XKR9: variants seen among roughly 807,000 people sequenced by gnomAD.
XKR9 encodes the protein XK related 9.
Under a neutral mutation model 32.0 loss-of-function variants are expected in XKR9, and 32 were observed. The observed-to-expected ratio is 1.00, with a 90% confidence interval of 0.76 to 1.34. The LOEUF (loss-of-function observed/expected upper bound fraction) is 1.34, where lower values mean the gene tolerates loss of function less well. Among genes scored for constraint, XKR9 ranks in the 40% most tolerant of loss-of-function variants. The probability of loss-of-function intolerance (pLI) is 0.00; values close to 1 mark genes in which losing one functional copy is unlikely to be tolerated. For missense variants in XKR9, 546 were observed against 429.7 expected (o/e 1.27, Z -2.39); for synonymous variants, 168 against 143.4 (o/e 1.17, Z -1.22).
chr8:70,797,108 A>T, the XKR9 span, among the ~76,000 whole-genome samples: 1 of 152,240 alleles, frequency 6.6e-6, no homozygotes, highest in Non-Finnish European at 1.5e-5. Context: ...GAAAGTTCAC[A>T]CATGAATCCC....
intron 2 of XKR9, among the ~76,000 whole-genome samples, chr8:70,754,882 G>A (rs1183063583): frequency 6.6e-6 from 1 of 152,200 alleles, no homozygotes; most frequent in East Asian, 1.9e-4. Flanking sequence ...AACACCAAAA[G>A]CAATGGCAAC....
At chr8:70,989,159 T>G in the XKR9 span, among the ~76,000 whole-genome samples, 28 of 152,320 alleles carry the variant, frequency 1.8e-4, no homozygotes, top group African/African-American at 6.7e-4. Flanking sequence ...TTGGACATTA[T>G]CTACTAGGCA....
the XKR9 span, among the ~76,000 whole-genome samples, chr8:70,858,519 A>T: frequency 2.0e-5 from 3 of 152,102 alleles, no homozygotes; most frequent in African/African-American, 4.8e-5. Context: ...CTTAAAATTG[A>T]TATGTAACCA....
At chr8:70,861,109 G>A in the XKR9 span, among the ~76,000 whole-genome samples, 1 of 152,004 alleles carries the variant, frequency 6.6e-6, no homozygotes. Context: ...TGTTAGTAGT[G>A]TCTGTAAAAC....
chr8:70,827,048 G>A, the XKR9 span, among the ~76,000 whole-genome samples: 2 of 152,050 alleles, frequency 1.3e-5, no homozygotes, highest in African/African-American at 2.4e-5. Flanking sequence ...AACTGTGATT[G>A]AGTAAATCTA....
the XKR9 span, among the ~76,000 whole-genome samples, chr8:71,050,211 T>G: frequency 6.7e-6 from 1 of 148,180 alleles, no homozygotes; most frequent in Non-Finnish European, 1.5e-5. Context: ...TGATTTTATA[T>G]TTTGAAGTAC....
chr8:70,800,894 CAT>C, the XKR9 span, among the ~76,000 whole-genome samples: 1 of 150,944 alleles, frequency 6.6e-6, no homozygotes, highest in African/African-American at 2.4e-5. Flanking sequence ...CTTGGGAGGT[CAT>C]ATGTTTCCAG....
chr8:70,855,034 A>T, the XKR9 span, among the ~76,000 whole-genome samples: 1 of 152,126 alleles, frequency 6.6e-6, no homozygotes, highest in Non-Finnish European at 1.5e-5. Flanking sequence ...TGAACTTTAA[A>T]GTAGTTTTTT....
At chr8:70,940,618 T>C in the XKR9 span, among the ~76,000 whole-genome samples, 1 of 152,160 alleles carries the variant, frequency 6.6e-6, no homozygotes. Flanking sequence ...TGTGCCTCTT[T>C]TGCCTCTGTT....
chr8:71,039,723 C>T, the XKR9 span, among the ~76,000 whole-genome samples: 1 of 152,208 alleles, frequency 6.6e-6, no homozygotes, highest in Middle Eastern at 3.4e-3. Flanking sequence ...TTAATCTGTT[C>T]CAGGTCTCTC....
rs1806755109 is a variant in XKR9, at chr8:70,733,818, C to T, written c.516C>T (p.Cys172=). ...FSQYAAIMVS[C]CAISWSTVDY... ...TAGATGCGGCCATCATGGTCTCTTG[C>T]TGTGCTATTTCTTGGTCAACTGTTG... The change falls in exon 5 of 5, where the codon TGC becomes TGT. Residue 172 remains cysteine (C), a synonymous_variant. Transcript: ENST00000408926. 1 of 1,580,372 alleles carries T rather than the reference C, an allele frequency of 6.3e-7. No individual in the cohort carries two copies. Among genetic ancestry groups the T allele is most frequent in the Non-Finnish European group, 8.6e-7 (1 of 1,168,692 alleles).
At chr8:70,707,197 A>C (rs1001560093) in intron 4 of XKR9, 44 bp downstream of exon 4, 1 of 1,461,926 alleles carries the variant, frequency 6.8e-7, no homozygotes, top group Non-Finnish European at 9.5e-7. Flanking sequence ...TGCCACTGAG[A>C]CCTTACGTCA....
the XKR9 span, among the ~76,000 whole-genome samples, chr8:70,809,670 G>T: frequency 2.0e-5 from 3 of 152,170 alleles, no homozygotes; most frequent in Non-Finnish European, 4.4e-5. Flanking sequence ...TAGCTGATTC[G>T]ATCAACTGGA....
the XKR9 span, among the ~76,000 whole-genome samples, chr8:70,887,888 C>G: frequency 6.6e-6 from 1 of 152,076 alleles, no homozygotes; most frequent in Non-Finnish European, 1.5e-5. Flanking sequence ...ATTTGACTTC[C>G]TCTCTTCCTA....
the XKR9 span, among the ~76,000 whole-genome samples, chr8:70,959,703 G>A: frequency 6.6e-6 from 1 of 152,180 alleles, no homozygotes; most frequent in African/African-American, 2.4e-5. Context: ...TTTTTGAGGA[G>A]CATAGTTCTT....
chr8:71,032,977 G>T, the XKR9 span, among the ~76,000 whole-genome samples: 64 of 151,970 alleles, frequency 4.2e-4, no homozygotes, highest in African/African-American at 1.5e-3. Flanking sequence ...CCAGCTACTC[G>T]GGAGGCTGAG....
chr8:70,680,098 A>G (rs1366530360), intron 2 of XKR9, among the ~76,000 whole-genome samples: 2 of 152,028 alleles, frequency 1.3e-5, no homozygotes, highest in African/African-American at 2.4e-5. Flanking sequence ...CTCCATGTAT[A>G]ATTAAAAACC....
In XKR9 at chr8:70,672,337, A is replaced by C. The variant is rs1818741153; in HGVS notation, c.-360-2481A>C. Among the ~76,000 whole-genome samples, 3 of 57,756 alleles carry C rather than the reference A, an allele frequency of 5.2e-5. 1 individual carries two copies. The allele number at this position is 57,756 out of a possible 152,430, so 37.9% of individuals were successfully genotyped here. Reference sequence around the variant, plus strand: ...TCAAACTATACTACAAGGCTACAGTAACCAAAACAGCATGGTACTGGTACC... The same window carrying C: ...TCAAACTATACTACAAGGCTACAGTCACCAAAACAGCATGGTACTGGTACC... On this transcript the variant is annotated intron_variant, in intron 1 of 4. Coordinates refer to ENST00000408926, the MANE Select transcript of XKR9 (RefSeq NM_001011720.2).
At chr8:70,812,992 C>G in the XKR9 span, among the ~76,000 whole-genome samples, 2 of 152,098 alleles carry the variant, frequency 1.3e-5, no homozygotes, top group Non-Finnish European at 2.9e-5. Context: ...CAAGTCAATC[C>G]TAAGCCAAAA....
Sources: allele counts gnomAD v4.1 joint callset (sites outside exome capture counted in the v4.1 genomes callset), GRCh38; gene constraint gnomAD v4.1.1; transcripts MANE v1.5; gene names NCBI Gene and HGNC (gene_info 2026-07-23, HGNC 2026-07-21).